Variants in CCDC102B observed in about 807,000 individuals in gnomAD.
CCDC102B encodes the protein coiled-coil domain-containing protein 102B.
CCDC102B carries 75 observed loss-of-function variants against 57.4 expected under a neutral mutation model. The ratio of observed to expected loss-of-function variants is 1.31; its 90% CI spans 1.08 to 1.58. The LOEUF is 1.58. Among genes scored for constraint, CCDC102B ranks in the 40% most tolerant of loss-of-function variants. CCDC102B has a pLI of 0.00. For missense variants in CCDC102B, 636 were observed against 582.6 expected (o/e 1.09, Z -0.94); for synonymous variants, 206 against 201.9 (o/e 1.02, Z -0.17).
At chr18:68,864,251 A>G (rs762086616) in intron 4 of CCDC102B, among the ~76,000 whole-genome samples, 72 of 152,092 alleles carry the variant, frequency 4.7e-4, no homozygotes, top group Non-Finnish European at 8.8e-4. Context: ...TGTTCCTTCT[A>G]GTTTATTCTG....
intron 3 of CCDC102B, among the ~76,000 whole-genome samples, chr18:68,840,657 C>T (rs1455407706): frequency 1.3e-5 from 2 of 152,130 alleles, no homozygotes; most frequent in Non-Finnish European, 2.9e-5. Flanking sequence ...CGTGGTTTTA[C>T]TTCTTGAAGC....
chr18:68,943,449 C>T (rs1229080342), intron 6 of CCDC102B, among the ~76,000 whole-genome samples: 1 of 152,066 alleles, frequency 6.6e-6, no homozygotes, highest in East Asian at 1.9e-4. Flanking sequence ...TCTACACTCT[C>T]AGAGCATATT....
At chr18:68,741,705 ACACACACAC>A in intron 2 of CCDC102B, among the ~76,000 whole-genome samples, 1 of 112,824 alleles carries the variant, frequency 8.9e-6, no homozygotes, top group African/African-American at 4.1e-5. Flanking sequence ...ACACACACAC[ACACACACAC>A]CCCAAGACAA....
intron 2 of CCDC102B, among the ~76,000 whole-genome samples, chr18:68,741,724 A>G (rs1742194447): frequency 1.3e-5 from 2 of 151,200 alleles, no homozygotes; most frequent in South Asian, 4.2e-4. Context: ...CCCCAAGACA[A>G]TATAGAAAGG....
chr18:68,749,492 A>G (rs891987307), intron 2 of CCDC102B, among the ~76,000 whole-genome samples: 33 of 152,158 alleles, frequency 2.2e-4, no homozygotes, highest in African/African-American at 7.7e-4. Context: ...GGTCCTTCAC[A>G]TCCCTTGTAA....
chr18:68,788,464 A>G (rs2035297517), intron 2 of CCDC102B, among the ~76,000 whole-genome samples: 1 of 151,174 alleles, frequency 6.6e-6, no homozygotes, highest in South Asian at 2.1e-4. Flanking sequence ...GTGGGAGTCT[A>G]AGTCTCTTTG....
At chr18:69,011,211 T>C in intron 7 of CCDC102B, 107 bp downstream of exon 7, 1 of 986,654 alleles carries the variant, frequency 1.0e-6, no homozygotes. Flanking sequence ...GGGATATAAA[T>C]ATTCATATCT....
rs1438557774 is a variant in CCDC102B, at chr18:68,733,484, A to ATG, written c.-67+16891_-67+16892insGT. Reference sequence around the variant, plus strand: ...AGTCACAAGTTAGACAACTTTATATATATATATATATATATATATATATTT... The same window carrying ATG: ...AGTCACAAGTTAGACAACTTTATATATGTATATATATATATATATATATATTT... On this transcript the variant is annotated intron_variant, in intron 2 of 3. Transcript: ENST00000578970. Among the ~76,000 whole-genome samples the ATG allele has an allele frequency of 1.1e-4, 9 of 83,128 alleles. 1 individual carries two copies. The highest frequency in any genetic ancestry group is 2.0e-4 in the Non-Finnish European group (9 of 45,564). 54.5% of individuals were successfully genotyped at this position (83,128 alleles called of 152,430 possible).
At chr18:68,905,065 T>C (rs978687931) in intron 6 of CCDC102B, among the ~76,000 whole-genome samples, 1 of 151,676 alleles carries the variant, frequency 6.6e-6, no homozygotes, top group Non-Finnish European at 1.5e-5. Flanking sequence ...TATACTTTTA[T>C]TCTATCAGTA....
At chr18:68,820,868 C>A (rs2036665087) in intron 1 of CCDC102B, among the ~76,000 whole-genome samples, 2 of 152,050 alleles carry the variant, frequency 1.3e-5, no homozygotes, top group Non-Finnish European at 2.9e-5. Flanking sequence ...AAGCATGGAC[C>A]AAACTGTACT....
At chr18:68,896,059 A>G (rs957398585) in intron 5 of CCDC102B, among the ~76,000 whole-genome samples, 1 of 152,008 alleles carries the variant, frequency 6.6e-6, no homozygotes, top group Non-Finnish European at 1.5e-5. Context: ...TAAGTTGTCT[A>G]CATTGGGGTA....
At chr18:68,716,674 C>G (rs1000961615) in intron 2 of CCDC102B, 2 of 152,166 alleles carry the variant, frequency 1.3e-5, no homozygotes, top group African/African-American at 4.8e-5. Flanking sequence ...TGGCTCATGC[C>G]TATTATCCCA....
At chr18:68,898,572 T>A (rs2040323331) in intron 6 of CCDC102B, among the ~76,000 whole-genome samples, 1 of 152,146 alleles carries the variant, frequency 6.6e-6, no homozygotes, top group Non-Finnish European at 1.5e-5. Context: ...AGTGCAGAAT[T>A]ATCTCAATTA....
intron 2 of CCDC102B, among the ~76,000 whole-genome samples, chr18:68,733,025 G>A (rs1249712145): frequency 1.3e-5 from 2 of 152,102 alleles, no homozygotes; most frequent in African/African-American, 4.8e-5. Context: ...GGAAGGTTAT[G>A]CTAAGGCTAG....
intron 6 of CCDC102B, among the ~76,000 whole-genome samples, chr18:69,006,728 C>T (rs1456502200): frequency 6.6e-6 from 1 of 152,074 alleles, no homozygotes; most frequent in Non-Finnish European, 1.5e-5. Context: ...CAGGCGTCAG[C>T]CACTGTGCCC....
chr18:69,040,480 G>C (rs1399956233), intron 7 of CCDC102B, among the ~76,000 whole-genome samples: 1 of 150,366 alleles, frequency 6.7e-6, no homozygotes, highest in Non-Finnish European at 1.5e-5. Flanking sequence ...CTAAGGTTTT[G>C]ATCAATTTGA....
chr18:68,723,101 G>C (rs904679287), intron 2 of CCDC102B, among the ~76,000 whole-genome samples: 1 of 151,990 alleles, frequency 6.6e-6, no homozygotes, highest in Non-Finnish European at 1.5e-5. Flanking sequence ...CTCTTCACAG[G>C]GTGGCAGGAC....
In CCDC102B at chr18:68,838,901, C is replaced by T. The variant is rs768941828; in HGVS notation, c.802C>T (p.Gln268Ter). ...SALQVHLDEFQKILWKEREMR... is the reference protein window; with the variant it reads ...SALQVHLDEF ...TTTGCAGGTGCATTTGGATGAATTCCAAAAAATCTTATGGAAGGAAAGAGA... is the reference window on the plus strand; with the variant it reads ...TTTGCAGGTGCATTTGGATGAATTCTAAAAAATCTTATGGAAGGAAAGAGA... Residue 268 changes from glutamine to a stop codon, truncating the protein, a stop_gained, in exon 3 of 8, where the codon CAA (glutamine) becomes TAA (stop). Coordinates refer to ENST00000360242, the MANE Select transcript of CCDC102B (RefSeq NM_024781.3). LOFTEE classifies it high-confidence loss of function. 3 of 1,613,478 alleles carry T rather than the reference C, an allele frequency of 1.9e-6. No individual in the cohort carries two copies. In the African/African-American group the frequency reaches 4.0e-5, roughly 22 times the overall value.
chr18:69,010,123 T>C (rs2363259), intron 6 of CCDC102B, among the ~76,000 whole-genome samples: 6 of 75,068 alleles, frequency 8.0e-5, no homozygotes, highest in Admixed American at 1.6e-4. Flanking sequence ...TTTTTTTTTT[T>C]AGTAGAGACG....
Sources: gnomAD v4.1 joint callset for allele counts (sites outside exome capture counted in the v4.1 genomes callset) on GRCh38, gnomAD v4.1.1 for gene constraint, MANE v1.5 for transcripts, NCBI Gene and HGNC (gene_info 2026-07-23, HGNC 2026-07-21) for gene names.